TENM4: variants seen among roughly 807,000 people sequenced by gnomAD.
TENM4 encodes teneurin transmembrane protein 4.
In TENM4, 82 loss-of-function variants were observed where a neutral mutation model predicts 243.3. That is an observed-to-expected ratio of 0.34 (90% CI 0.28 to 0.40). TENM4 has a LOEUF of 0.40. Among genes scored for constraint, TENM4 ranks in the 10% least tolerant of loss-of-function variants. The probability of loss-of-function intolerance (pLI) is 1.00; values close to 1 mark genes in which losing one functional copy is unlikely to be tolerated. For missense variants in TENM4, 3,138 were observed against 3,673.3 expected, an observed-to-expected ratio of 0.85 and a Z score of 3.77; for synonymous variants, 1,412 against 1,456.3, an observed-to-expected ratio of 0.97 and a Z score of 0.69.
chr11:78,799,552 A>G (rs994289112), intron 15 of TENM4, among the ~76,000 whole-genome samples: 6 of 152,242 alleles, frequency 3.9e-5, no homozygotes, highest in African/African-American at 1.4e-4. Context: ...GCCACCATAT[A>G]CATGTGAAAT....
At chr11:79,105,114 G>A (rs1256303427) in intron 4 of TENM4, among the ~76,000 whole-genome samples, 1 of 152,156 alleles carries the variant, frequency 6.6e-6, no homozygotes, top group Non-Finnish European at 1.5e-5. Context: ...GCACAGGTGT[G>A]AGCCACCAAC....
chr11:78,687,950 G>A, intron 29 of TENM4, 104 bp downstream of exon 29: 1 of 1,377,144 alleles, frequency 7.3e-7, no homozygotes, highest in Non-Finnish European at 1.0e-6. Flanking sequence ...ATGCTTTCCT[G>A]TTCTTGGGCA....
intron 23 of TENM4, among the ~76,000 whole-genome samples, chr11:78,724,329 C>T (rs913368278): frequency 1.2e-4 from 19 of 152,156 alleles, no homozygotes; most frequent in African/African-American, 4.6e-4. Context: ...TGGCCTCAAG[C>T]GATCCTCTCG....
At chr11:78,779,712 T>G (rs1856805453) in intron 16 of TENM4, among the ~76,000 whole-genome samples, 1 of 152,226 alleles carries the variant, frequency 6.6e-6, no homozygotes, top group African/African-American at 2.4e-5. Context: ...CTGAAGGATC[T>G]GATGCCTTCA....
At position 78,669,396 on chromosome 11, in the gene TENM4, G is replaced by C; in HGVS notation, c.6949C>G (p.Leu2317Val). The stretch of plus-strand genomic sequence containing the variant: ...TGGGTGACCTTGGTGGGGTTGGTCA[G>C]GTCTGCATAGAAGAACTGCAGGTGG... ...SHHLQFFYAD[L>V]TNPTKVTHLY... is the part of the protein sequence containing the mutation. The change falls in exon 32 of 34, where the codon CTG becomes GTG. Residue 2317 changes from leucine (L) to valine (V), a missense_variant. Around this residue, in one of 2 missense-constraint regions of TENM4, gnomAD observed 2,467 missense variants for 3,059.1 expected, o/e 0.81. Coordinates refer to ENST00000278550, the MANE Select transcript of TENM4 (RefSeq NM_001098816.3). This position sits in a 1 kb window ranked among gnomAD's most constrained non-coding sequence, Gnocchi z 6.4. The C allele has an allele frequency of 1.2e-6, 2 of 1,613,650 alleles. No homozygotes were observed. The highest frequency in any genetic ancestry group is 1.7e-6 in the Non-Finnish European group (2 of 1,179,688).
intron 26 of TENM4, among the ~76,000 whole-genome samples, chr11:78,711,318 T>C (rs904046590): frequency 1.3e-5 from 2 of 152,218 alleles, no homozygotes; most frequent in African/African-American, 4.8e-5. Context: ...GGGGTACTAC[T>C]GCGCTAAGCA....
chr11:79,303,868 G>A (rs1401138822), intron 1 of TENM4, among the ~76,000 whole-genome samples: 1 of 152,192 alleles, frequency 6.6e-6, no homozygotes, highest in Non-Finnish European at 1.5e-5. Flanking sequence ...GGTTTGGGCT[G>A]GTAGCGTGTT....
rs752252798 is a variant in TENM4, at chr11:78,670,504, G to C, written c.5841C>G (p.Phe1947Leu). The change falls in exon 32 of 34, where the codon TTC becomes TTG. Residue 1947 changes from phenylalanine (F) to leucine (L), a missense_variant. Phe to Leu is a conservative substitution (Grantham distance 22). Transcript: ENST00000278550. Reference sequence around the variant, plus strand: ...CAGAAGAGAGGCGGTCATTCTTGTCGAACTCAAAGATATACTGCCTCTGGC... The same window carrying C: ...CAGAAGAGAGGCGGTCATTCTTGTCCAACTCAAAGATATACTGCCTCTGGC... Reference protein sequence around the residue: ...LHSQRQYIFEFDKNDRLSSVT... With the variant: ...LHSQRQYIFELDKNDRLSSVT... 1.9e-6 allele frequency: 3 copies of C among 1,613,068 alleles called. No homozygotes were observed. The highest frequency in any genetic ancestry group is 2.5e-6 in the Non-Finnish European group (3 of 1,179,722).
At chr11:79,194,113 T>G (rs1379516636) in intron 3 of TENM4, among the ~76,000 whole-genome samples, 3 of 151,550 alleles carry the variant, frequency 2.0e-5, no homozygotes, top group South Asian at 2.1e-4. Flanking sequence ...TATCAGGGGG[T>G]TTTTGCTTTT....
intron 1 of TENM4, among the ~76,000 whole-genome samples, chr11:79,423,223 G>A (rs931136780): frequency 6.6e-6 from 1 of 152,124 alleles, no homozygotes; most frequent in East Asian, 1.9e-4. Context: ...CATGTGCCAG[G>A]CACCCTGCCA....
chr11:79,385,458 C>T (rs1245093534), intron 1 of TENM4, among the ~76,000 whole-genome samples: 3 of 152,092 alleles, frequency 2.0e-5, no homozygotes, highest in East Asian at 3.9e-4. Flanking sequence ...TGTGCCTCAT[C>T]TACAAAAAAG....
At chr11:78,999,361 T>C (rs769344209) in intron 6 of TENM4, among the ~76,000 whole-genome samples, 4 of 151,394 alleles carry the variant, frequency 2.6e-5, no homozygotes, top group East Asian at 2.0e-4. Flanking sequence ...AAAAATACAA[T>C]AGAAATTAGC....
chr11:79,221,871 C>T (rs535179772), intron 2 of TENM4, among the ~76,000 whole-genome samples: 10 of 152,230 alleles, frequency 6.6e-5, no homozygotes, highest in African/African-American at 2.2e-4. Flanking sequence ...GTCAAGCCAA[C>T]CAGCTCTGGA....
intron 18 of TENM4, 58 bp from the exon 19 acceptor site, chr11:78,757,079 C>T (rs1283840009): frequency 9.3e-6 from 14 of 1,502,512 alleles, no homozygotes; most frequent in Non-Finnish European, 1.3e-5. Context: ...CCATGTTTAT[C>T]CAGAATGCCT....
At chr11:79,121,194 C>T (rs79247760) in intron 4 of TENM4, among the ~76,000 whole-genome samples, 1 of 14,900 alleles carries the variant, frequency 6.7e-5, no homozygotes, top group African/African-American at 9.0e-5. Flanking sequence ...TTTACATAGG[C>T]TTTCTTGTTT....
chr11:78,910,343 C>A (rs1856158607), intron 6 of TENM4, among the ~76,000 whole-genome samples: 1 of 152,200 alleles, frequency 6.6e-6, no homozygotes, highest in Admixed American at 6.5e-5. Flanking sequence ...CTCCAGCTGC[C>A]TGAGAATGCC....
intron 5 of TENM4, among the ~76,000 whole-genome samples, chr11:79,069,491 G>T (rs560353159): frequency 5.9e-5 from 9 of 152,324 alleles, no homozygotes; most frequent in African/African-American, 2.2e-4. Context: ...ACCTCACTAT[G>T]CCAGGGAAGT....
chr11:78,762,981 C>T (rs1041362333), intron 18 of TENM4, among the ~76,000 whole-genome samples: 1 of 152,148 alleles, frequency 6.6e-6, no homozygotes, highest in African/African-American at 2.4e-5. Flanking sequence ...TTTTGGGTGG[C>T]TTGGAAACAT....
intron 10 of TENM4, among the ~76,000 whole-genome samples, chr11:78,860,331 G>A (rs1420868756): frequency 2.0e-5 from 3 of 152,192 alleles, no homozygotes; most frequent in African/African-American, 7.2e-5. Context: ...GATGAGGAAG[G>A]TCAAGGGAGA....
Sources: allele counts gnomAD v4.1 joint callset (sites outside exome capture counted in the v4.1 genomes callset), GRCh38; gene constraint gnomAD v4.1.1; regional missense constraint gnomAD v4.1.1; non-coding constraint Gnocchi (gnomAD v3.1); transcripts MANE v1.5; gene names NCBI Gene and HGNC (gene_info 2026-07-23, HGNC 2026-07-21).